Variants in TENT5C observed in about 807,000 individuals in gnomAD.
TENT5C encodes the protein terminal nucleotidyltransferase 5C.
In TENT5C, 5 loss-of-function variants were observed where a neutral mutation model predicts 22.2. The observed-to-expected ratio is 0.22, with a 90% CI of 0.12 to 0.47. TENT5C has a LOEUF of 0.47. TENT5C is among the 20% of genes least tolerant of loss of function. TENT5C has a pLI of 0.99. For missense variants in TENT5C, 364 were observed against 500.9 expected (o/e 0.73, Z 2.61); for synonymous variants, 199 against 195.4 (o/e 1.02, Z -0.15).
chr1:117,607,387 T>A (rs1385357776), intron 1 of TENT5C, among the ~76,000 whole-genome samples: 2 of 152,210 alleles, frequency 1.3e-5, no homozygotes, highest in Non-Finnish European at 2.9e-5. Context: ...TACGGAGATA[T>A]AAAGTGCATA....
rs963860858 is a variant in TENT5C, at chr1:117,626,057, A to G, written c.*2013A>G. On this transcript the variant is annotated 3_prime_UTR_variant, in exon 2 of 2. Coordinates refer to ENST00000369448, the MANE Select transcript of TENT5C (RefSeq NM_017709.4). ...AAACTATCTGGTCATTCATGACCTT[A>G]AAAAGCTGCCATGGTGGTCAAATGG... 4.0e-6 allele frequency: 1 copy of G among 247,908 alleles called. No homozygotes were observed. The highest frequency in any genetic ancestry group is 2.2e-5 in the African/African-American group (1 of 45,364). The allele number at this position is 247,908 out of a possible 1,614,324, so 15.4% of individuals were successfully genotyped here. A position where few individuals can be genotyped will look rare whatever the true frequency, so the allele number is the denominator to read the frequency against.
In TENT5C at chr1:117,623,639, C is replaced by T; in HGVS notation, c.771C>T (p.Pro257=). Residue 257 remains proline (P), a synonymous_variant, in exon 2 of 2, where the codon CCC becomes CCT. Coordinates refer to ENST00000369448, the MANE Select transcript of TENT5C (RefSeq NM_017709.4). ...ACCTTCTTGTGCGGGACTTCAGGCC[C>T]ACAGACCAGGAAGAAATCAAAACTC... The part of the protein sequence containing the change: ...YSNLLVRDFR[P]TDQEEIKTLE... The T allele has an allele frequency of 6.2e-7, 1 of 1,613,902 alleles. No individual in the cohort carries two copies. The highest frequency in any genetic ancestry group is 8.5e-7 in the Non-Finnish European group (1 of 1,180,008).
Position 117,625,319 on chromosome 1 carries a change from T to G in TENT5C, c.*1275T>G. The G allele has an allele frequency of 4.0e-6, 1 of 248,108 alleles. No homozygotes were observed. The highest frequency in any genetic ancestry group is 8.5e-6 in the Non-Finnish European group (1 of 118,114). The allele number at this position is 248,108 out of a possible 1,614,324, so 15.4% of individuals were successfully genotyped here. ...CCAAGGCACTTTGAAATCATTCCAGTATATTTGGGAAGAATTGAGTGAATG... is the reference window on the plus strand; with the variant it reads ...CCAAGGCACTTTGAAATCATTCCAGGATATTTGGGAAGAATTGAGTGAATG... On this transcript the variant is annotated 3_prime_UTR_variant, in exon 2 of 2. Coordinates refer to ENST00000369448, the MANE Select transcript of TENT5C (RefSeq NM_017709.4).
rs898300293 is a variant in TENT5C, at chr1:117,628,147, T to C, written c.*4103T>C. ...GTAGCAACTTATTTCCAAATTAATA[T>C]AGATGAAAAATAGATACCAATTAGA... On this transcript the variant is annotated 3_prime_UTR_variant, in exon 2 of 2. Transcript: ENST00000369448. The C allele has an allele frequency of 8.1e-6, 2 of 247,842 alleles. No individual in the cohort carries two copies. The highest frequency in any genetic ancestry group is 4.4e-5 in the African/African-American group (2 of 45,340). The allele number at this position is 247,842 out of a possible 1,614,324, so 15.4% of individuals were successfully genotyped here.
intron 1 of TENT5C, among the ~76,000 whole-genome samples, chr1:117,621,730 C>T (rs995988215): frequency 1.4e-4 from 21 of 152,134 alleles, no homozygotes; most frequent in Non-Finnish European, 3.1e-4. Context: ...CTGAGGACAG[C>T]GCCTTGACAC....
Position 117,624,917 on chromosome 1 carries a change from G to C in TENT5C, c.*873G>C, listed in dbSNP as rs895038095. ...CCTTTTTTTTCTTTTTTCCTCATCA[G>C]CTCTTTCATGGCTGAATTTTGTTTT... On this transcript the variant is annotated 3_prime_UTR_variant, in exon 2 of 2. Transcript: ENST00000369448. 6 of 247,308 alleles carry C rather than the reference G, an allele frequency of 2.4e-5. No homozygotes were observed. Among genetic ancestry groups the C allele is most frequent in the African/African-American group, 1.3e-4 (6 of 45,148 alleles). 15.3% of individuals were successfully genotyped at this position (247,308 alleles called of 1,614,324 possible). A position where few individuals can be genotyped will look rare whatever the true frequency, so the allele number is the denominator to read the frequency against.
At chr1:117,609,438 A>G (rs2101072263) in intron 1 of TENT5C, among the ~76,000 whole-genome samples, 1 of 152,164 alleles carries the variant, frequency 6.6e-6, no homozygotes, top group Middle Eastern at 3.4e-3. Context: ...CTCTCCCTGT[A>G]GGATGTTTTT....
rs1475393293 is a variant in TENT5C at position 117,627,395 on chromosome 1, C to T, written c.*3351C>T. 8.1e-6 allele frequency: 2 copies of T among 248,058 alleles called. No homozygotes were observed. The highest frequency in any genetic ancestry group is 1.7e-5 in the Non-Finnish European group (2 of 118,140). 15.4% of individuals were successfully genotyped at this position (248,058 alleles called of 1,614,324 possible). On this transcript the variant is annotated 3_prime_UTR_variant, in exon 2 of 2. Coordinates refer to ENST00000369448, the MANE Select transcript of TENT5C (RefSeq NM_017709.4). ...CTTTGTTGACTTTGGGAAATGGTGC[C>T]ACTCAAAAGCAACTTCCTAACTTGA... is the stretch of plus-strand genomic sequence containing the variant.
chr1:117,624,462 C>T lies in TENT5C; in HGVS notation c.*418C>T, dbSNP rs1256827574. ...TGTGTTGGCCCTCACTTGGGATTCT[C>T]AGCAGTTACATGAAAGTTGTGCTGA... is the stretch of plus-strand genomic sequence containing the variant. On this transcript the variant is annotated 3_prime_UTR_variant, in exon 2 of 2. Transcript: ENST00000369448. 6 of 259,182 alleles carry T rather than the reference C, an allele frequency of 2.3e-5. No individual in the cohort carries two copies. The highest frequency in any genetic ancestry group is 4.0e-5 in the Non-Finnish European group (5 of 125,922). 16.1% of individuals were successfully genotyped at this position (259,182 alleles called of 1,614,324 possible).
chr1:117,624,794 T>C lies in TENT5C; in HGVS notation c.*750T>C, dbSNP rs577122312. On this transcript the variant is annotated 3_prime_UTR_variant, in exon 2 of 2. Coordinates refer to ENST00000369448, the MANE Select transcript of TENT5C (RefSeq NM_017709.4). ...ATAAAATGTGGAACATAATGTTTAA[T>C]TAGAATTGTGGTGGTGGTAGTGGAA... is the stretch of plus-strand genomic sequence containing the variant. 4.8e-5 allele frequency: 12 copies of C among 248,038 alleles called. No homozygotes were observed. Among genetic ancestry groups the C allele is most frequent in the East Asian group, 4.8e-4 (8 of 16,564 alleles). The allele number at this position is 248,038 out of a possible 1,614,324, so 15.4% of individuals were successfully genotyped here.
In TENT5C at chr1:117,623,723, G is replaced by C; in HGVS notation, c.855G>C (p.Gln285His). ...FIDFPDILEQ[Q>H]RKLETYLQNH... ...ACTTCCCGGACATCCTTGAACAGCA[G>C]AGGAAGTTGGAGACTTACCTTCAAA... Residue 285 changes from glutamine to histidine, a missense_variant, in exon 2 of 2, where the codon CAG becomes CAC. This residue lies in a region of TENT5C where 303 missense variants were observed against 394.5 expected (regional missense o/e 0.77). Coordinates refer to ENST00000369448, the MANE Select transcript of TENT5C (RefSeq NM_017709.4). 4 of 1,614,160 alleles carry C rather than the reference G, an allele frequency of 2.5e-6. No homozygotes were observed. The South Asian group carries it at 4.4e-5, about 18-fold the overall frequency.
Position 117,622,880 on chromosome 1 carries a change from G to A in TENT5C, c.12G>A (p.Glu4=), listed in dbSNP as rs550353840. The change falls in exon 2 of 2, where the codon GAG becomes GAA. Residue 4 remains glutamate, a synonymous_variant. Transcript: ENST00000369448. ...AACATCCCCTGAAGATGGCAGAGGA[G>A]AGCAGCTGTACCAGGGATTGCATGT... MAE[E]SSCTRDCMSF... is the part of the protein sequence containing the mutation. The A allele has an allele frequency of 5.0e-6, 8 of 1,609,372 alleles. No individual in the cohort carries two copies. In the African/African-American group the frequency reaches 1.1e-4, roughly 21 times the overall value.
Position 117,624,188 on chromosome 1 carries a change from G to A in TENT5C, c.*144G>A, listed in dbSNP as rs1467661449. ...GCTTTTTTTTTTTTTTTTCCTTTGTGTACCCATTGGAATGGGTCTACAGTG... is the reference window on the plus strand; with the variant it reads ...GCTTTTTTTTTTTTTTTTCCTTTGTATACCCATTGGAATGGGTCTACAGTG... On this transcript the variant is annotated 3_prime_UTR_variant, in exon 2 of 2. Transcript: ENST00000369448. The A allele has an allele frequency of 1.5e-6, 1 of 675,124 alleles. No individual in the cohort carries two copies. Among genetic ancestry groups the A allele is most frequent in the Non-Finnish European group, 2.4e-6 (1 of 421,088 alleles). 41.8% of individuals were successfully genotyped at this position (675,124 alleles called of 1,614,324 possible).
Position 117,623,833 on chromosome 1 carries a change from TG to T in TENT5C, c.969del (p.His324MetfsTer7). On this transcript the variant is annotated frameshift_variant, in exon 2 of 2. Coordinates refer to ENST00000369448, the MANE Select transcript of TENT5C (RefSeq NM_017709.4). LOFTEE classifies it high-confidence loss of function. ...RVVNESTVCL[M>X]GHERRQTLNL... ...GTGAACGAGAGCACCGTGTGTCTCA[TG>T]GGGCATGAACGCAGGCAGACTCTGA... is the stretch of plus-strand genomic sequence containing the variant. The T allele has an allele frequency of 6.2e-7, 1 of 1,614,144 alleles. No homozygotes were observed. The highest frequency in any genetic ancestry group is 8.5e-7 in the Non-Finnish European group (1 of 1,180,036).
At chr1:117,622,600 A>G (rs1354679315) in intron 1 of TENT5C, among the ~76,000 whole-genome samples, 1 of 150,334 alleles carries the variant, frequency 6.7e-6, no homozygotes, top group Non-Finnish European at 1.5e-5. Context: ...AGAAAAAACA[A>G]AACAAAACTA....
In TENT5C at chr1:117,623,945, G is replaced by T. The variant is rs768966439; in HGVS notation, c.1077G>T (p.Pro359=). Residue 359 remains proline (P), a synonymous_variant, in exon 2 of 2, where the codon CCG becomes CCT. Transcript: ENST00000369448. ...CCAACGTCACCTGTTACTACCAGCC[G>T]GCCCCTTACGTCAGTGATGGCAACT... ...SATNVTCYYQ[P]APYVSDGNFS... 16 of 1,613,860 alleles carry T rather than the reference G, an allele frequency of 9.9e-6. No homozygotes were observed. Among genetic ancestry groups the T allele is most frequent in the Middle Eastern group, 1.6e-4 (1 of 6,084 alleles).
Position 117,625,914 on chromosome 1 carries a change from AT to A in TENT5C, c.*1874del. On this transcript the variant is annotated 3_prime_UTR_variant, in exon 2 of 2. Transcript: ENST00000369448. ...CTGTTTCCCTGTGAGCCTTAGTTAT[AT>A]TTTAATTCAGTGGCTTTGAGTCAAG... is the stretch of plus-strand genomic sequence containing the variant. 4.0e-6 allele frequency: 1 copy of A among 247,918 alleles called. No individual in the cohort carries two copies. The highest frequency in any genetic ancestry group is 8.5e-6 in the Non-Finnish European group (1 of 118,000). 15.4% of individuals were successfully genotyped at this position (247,918 alleles called of 1,614,324 possible). A position where few individuals can be genotyped will look rare whatever the true frequency, so the allele number is the denominator to read the frequency against.
chr1:117,623,388 C>A lies in TENT5C; in HGVS notation c.520C>A (p.Arg174=). ...NVELKFVDSI[R]RQFEFSVDSF... is the part of the protein sequence containing the mutation. ...GGAGCTGAAGTTTGTCGACTCCATT[C>A]GGCGTCAGTTTGAGTTCAGTGTGGA... Residue 174 remains arginine (R), a synonymous_variant, in exon 2 of 2, where the codon CGG becomes AGG. Transcript: ENST00000369448. 1.2e-6 allele frequency: 2 copies of A among 1,614,126 alleles called. No homozygotes were observed. Among genetic ancestry groups the A allele is most frequent in the Non-Finnish European group, 1.7e-6 (2 of 1,180,032 alleles).
In TENT5C at chr1:117,625,720, A is replaced by G. The variant is rs1459083511; in HGVS notation, c.*1676A>G. 1 of 247,984 alleles carries G rather than the reference A, an allele frequency of 4.0e-6. No homozygotes were observed. The highest frequency in any genetic ancestry group is 2.2e-5 in the African/African-American group (1 of 45,346). 15.4% of individuals were successfully genotyped at this position (247,984 alleles called of 1,614,324 possible). On this transcript the variant is annotated 3_prime_UTR_variant, in exon 2 of 2. Transcript: ENST00000369448. ...CTAATGCAAAAGAGCTTAGTAGAAA[A>G]TGAGTGGTTTACCTTTTTTTCTAAA...
Sources: allele counts gnomAD v4.1 joint callset (sites outside exome capture counted in the v4.1 genomes callset), GRCh38; gene constraint gnomAD v4.1.1; regional missense constraint gnomAD v4.1.1; transcripts MANE v1.5; gene names NCBI Gene and HGNC (gene_info 2026-07-23, HGNC 2026-07-21).